ARHGAP29: variants seen among roughly 807,000 people sequenced by gnomAD.
The protein encoded by ARHGAP29 is rho GTPase-activating protein 29.
Under a neutral mutation model 122.6 loss-of-function variants are expected in ARHGAP29, and 43 were observed. That is an observed-to-expected ratio of 0.35 (90% CI 0.27 to 0.45). ARHGAP29 has a LOEUF of 0.45. ARHGAP29 is among the 20% of genes least tolerant of loss of function. ARHGAP29 has a pLI of 1.00. For missense variants in ARHGAP29, 1,303 were observed against 1,477.2 expected (o/e 0.88, Z 1.93); for synonymous variants, 506 against 497.1 (o/e 1.02, Z -0.24).
Position 94,174,137 on chromosome 1 carries a change from A to G in ARHGAP29, c.3518T>C (p.Ile1173Thr). 6.2e-7 allele frequency: 1 copy of G among 1,614,136 alleles called. No homozygotes were observed. Among genetic ancestry groups the G allele is most frequent in the South Asian group, 1.1e-5 (1 of 91,084 alleles). ...WTTFYKPHAP[I>T]ISIRGNEEKP... The stretch of plus-strand genomic sequence containing the variant: ...CTCCTCATTCCCCCTGATACTGATG[A>G]TGGGAGCATGTGGTTTATAAAATGT... Residue 1173 changes from isoleucine (I) to threonine (T), a missense_variant, in exon 23 of 23, where the codon ATC (isoleucine) becomes ACC (threonine). Physicochemically the swap from Ile to Thr is moderately conservative, Grantham distance 89. Coordinates refer to ENST00000260526, the MANE Select transcript of ARHGAP29 (RefSeq NM_004815.4).
rs1648675319 is a variant in ARHGAP29 at position 94,170,644 on chromosome 1, A to T, written c.*3225T>A. 6.6e-6 allele frequency among the ~76,000 whole-genome samples: 1 copy of T among 152,206 alleles called. No individual in the cohort carries two copies. The highest frequency in any genetic ancestry group is 6.5e-5 in the Admixed American group (1 of 15,282). Reference sequence around the variant, plus strand: ...CTTGTCTTAAGGAAACACACAGTAGATAGAGGTAATAATGCAAAAAATATT... The same window carrying T: ...CTTGTCTTAAGGAAACACACAGTAGTTAGAGGTAATAATGCAAAAAATATT... On this transcript the variant is annotated 3_prime_UTR_variant, in exon 23 of 23. Coordinates refer to ENST00000260526, the MANE Select transcript of ARHGAP29 (RefSeq NM_004815.4).
chr1:94,300,381 G>A, the ARHGAP29 span, among the ~76,000 whole-genome samples: 3 of 152,064 alleles, frequency 2.0e-5, no homozygotes, highest in East Asian at 3.9e-4. Flanking sequence ...AAGCCTCTCC[G>A]TCTCACATTC....
chr1:94,232,812 A>C (rs930704275), intron 1 of ARHGAP29, among the ~76,000 whole-genome samples: 5 of 152,218 alleles, frequency 3.3e-5, no homozygotes, highest in African/African-American at 9.6e-5. Context: ...GGAGGAATTA[A>C]ATTAACTCAC....
rs375256632 is a variant in ARHGAP29, at chr1:94,170,507, T to C, written c.*3362A>G. On this transcript the variant is annotated 3_prime_UTR_variant, in exon 23 of 23. Coordinates refer to ENST00000260526, the MANE Select transcript of ARHGAP29 (RefSeq NM_004815.4). ...ATTGGGATGCTGAAACACAGGAACA[T>C]TACTGAGGCAATCAAAATCAGCAGA... Among the ~76,000 whole-genome samples, 2 of 152,136 alleles carry C rather than the reference T, an allele frequency of 1.3e-5. No homozygotes were observed. Among genetic ancestry groups the C allele is most frequent in the African/African-American group, 4.8e-5 (2 of 41,426 alleles).
At chr1:94,284,452 T>A in the ARHGAP29 span, among the ~76,000 whole-genome samples, 3,797 of 152,318 alleles carry the variant, frequency 0.025, 150 homozygotes, top group African/African-American at 0.086. Context: ...CTGTTCACCC[T>A]ATTTGCCCCT....
the ARHGAP29 span, among the ~76,000 whole-genome samples, chr1:94,288,348 G>GT: frequency 6.6e-6 from 1 of 152,016 alleles, no homozygotes; most frequent in South Asian, 2.1e-4. Flanking sequence ...GGGGTTGTTT[G>GT]TTTTTTTCTT....
rs1015645392 is a variant in ARHGAP29 at position 94,271,298 on chromosome 1, A to G, written c.-33+3714T>C. ...AAGAGGATAAGCAAGATGGAACCAA[A>G]GCCATTTTGTAACTAATCTCAGAAG... is the stretch of plus-strand genomic sequence containing the variant. On this transcript the variant is annotated intron_variant and NMD_transcript_variant, in intron 1 of 25. Coordinates refer to the ARHGAP29 transcript ENST00000552844. 2.0e-5 allele frequency among the ~76,000 whole-genome samples: 3 copies of G among 152,238 alleles called. No homozygotes were observed. In the East Asian group the frequency reaches 5.8e-4, roughly 29 times the overall value.
the ARHGAP29 span, chr1:94,302,519 T>C: frequency 3.0e-6 from 1 of 335,482 alleles, no homozygotes; most frequent in South Asian, 2.4e-5. Flanking sequence ...ATAATAACTC[T>C]GGCATCATGA....
chr1:94,178,301 G>T, intron 20 of ARHGAP29, 134 bp from the exon 21 acceptor site: 1 of 774,676 alleles, frequency 1.3e-6, no homozygotes. Context: ...TCTAGGAAAA[G>T]GTTATATTTA....
intron 2 of ARHGAP29, among the ~76,000 whole-genome samples, chr1:94,229,656 T>C (rs1652813441): frequency 6.6e-6 from 1 of 151,744 alleles, no homozygotes; most frequent in Non-Finnish European, 1.5e-5. Flanking sequence ...CTTATGAATT[T>C]TTAAAATTAA....
At chr1:94,297,483 A>G in the ARHGAP29 span, among the ~76,000 whole-genome samples, 14 of 152,334 alleles carry the variant, frequency 9.2e-5, no homozygotes, top group East Asian at 1.9e-4. Context: ...TCTGATTCTC[A>G]TAACTCCTAT....
chr1:94,174,372 T>C lies in ARHGAP29; in HGVS notation c.3283A>G (p.Thr1095Ala), dbSNP rs1031088081. Residue 1095 changes from threonine (T) to alanine (A), a missense_variant, in exon 23 of 23, where the codon ACA becomes GCA. Around this residue, in one of 3 missense-constraint regions of ARHGAP29, gnomAD observed 620 missense variants for 651.2 expected, o/e 0.95. Transcript: ENST00000260526. ...YEQNSLTAKT[T>A]MIMPSALQEK... ...TGGAGTGCACTGGGCATGATCATTG[T>C]AGTCTTGGCAGTTAGGCTGTTTTGT... 1.9e-6 allele frequency: 3 copies of C among 1,614,082 alleles called. No individual in the cohort carries two copies. Among genetic ancestry groups the C allele is most frequent in the East Asian group, 2.2e-5 (1 of 44,892 alleles).
Position 94,189,322 on chromosome 1 carries a change from T to C in ARHGAP29, c.1470A>G (p.Gln490=), listed in dbSNP as rs369014370. 3.7e-6 allele frequency: 6 copies of C among 1,611,334 alleles called. No individual in the cohort carries two copies. The highest frequency in any genetic ancestry group is 5.1e-6 in the Non-Finnish European group (6 of 1,179,032). Residue 490 remains glutamine (Q), a synonymous_variant, in exon 14 of 23, where the codon CAA becomes CAG. Coordinates refer to ENST00000260526, the MANE Select transcript of ARHGAP29 (RefSeq NM_004815.4). ...GNVNKHLNSS[Q]PSGFGPANSL... The stretch of plus-strand genomic sequence containing the variant: ...AGTTGGCAGGTCCAAATCCTGAAGG[T>C]TGGGAACTATTTAAATGTTTATTTA...
chr1:94,179,765 T>G lies in ARHGAP29; in HGVS notation c.2440A>C (p.Asn814His). 6.2e-7 allele frequency: 1 copy of G among 1,613,508 alleles called. No homozygotes were observed. The highest frequency in any genetic ancestry group is 1.3e-5 in the African/African-American group (1 of 75,022). ...KDLLRQLPAS[N>H]FNSLHFLIVH... Reference sequence around the variant, plus strand: ...ATAAGGAAATGAAGACTGTTAAAATTTGATGCTGGCAATTGTCTTAGAAGG... The same window carrying G: ...ATAAGGAAATGAAGACTGTTAAAATGTGATGCTGGCAATTGTCTTAGAAGG... The change falls in exon 20 of 23, where the codon AAT becomes CAT. Residue 814 changes from asparagine (N) to histidine (H), a missense_variant. By Grantham distance (68) the Asn-to-His change is moderately conservative (BLOSUM62 1). Coordinates refer to ENST00000260526, the MANE Select transcript of ARHGAP29 (RefSeq NM_004815.4).
At position 94,188,602 on chromosome 1, in the gene ARHGAP29, T is replaced by C. The variant is rs535396965; in HGVS notation, c.1681+235A>G. On this transcript the variant is annotated intron_variant, in intron 15 of 22. Coordinates refer to ENST00000260526, the MANE Select transcript of ARHGAP29 (RefSeq NM_004815.4). The stretch of plus-strand genomic sequence containing the variant: ...GATAATGGTTTATTCTGGTGGGAGA[T>C]AGGGCAATGTTACCAAGGAGGTGTA... Among the ~76,000 whole-genome samples, 5 of 152,226 alleles carry C rather than the reference T, an allele frequency of 3.3e-5. No individual in the cohort carries two copies. The South Asian group carries it at 6.2e-4, about 19-fold the overall frequency.
In ARHGAP29 at chr1:94,179,852, C is replaced by T. The variant is rs1649342537; in HGVS notation, c.2353G>A (p.Glu785Lys). Reference sequence around the variant, plus strand: ...CACATATTTGGCCATTTTTTGTCTTCAAGACTATTCTTTTTTGTCTCTTGT... The same window carrying T: ...CACATATTTGGCCATTTTTTGTCTTTAAGACTATTCTTTTTTGTCTCTTGT... ...EEQETKKNSL[E>K]DKKWPNMCIE... The change falls in exon 20 of 23, where the codon GAA (glutamate) becomes AAA (lysine). Residue 785 changes from glutamate to lysine, a missense_variant. Glu to Lys is a moderately conservative substitution (Grantham distance 56). This residue lies in a region of ARHGAP29 where 620 missense variants were observed against 651.2 expected (regional missense o/e 0.95). Coordinates refer to ENST00000260526, the MANE Select transcript of ARHGAP29 (RefSeq NM_004815.4). 3 of 1,613,096 alleles carry T rather than the reference C, an allele frequency of 1.9e-6. No individual in the cohort carries two copies. Among genetic ancestry groups the T allele is most frequent in the African/African-American group, 1.3e-5 (1 of 74,882 alleles).
chr1:94,272,024 C>T (rs1006832390), intron 1 of ARHGAP29, among the ~76,000 whole-genome samples: 2 of 152,100 alleles, frequency 1.3e-5, no homozygotes, highest in African/African-American at 4.8e-5. Flanking sequence ...CCAGGTTATC[C>T]ACTTGGGGAC....
At chr1:94,243,952 GAC>G (rs1653698068) in intron 1 of ARHGAP29, among the ~76,000 whole-genome samples, 1 of 151,828 alleles carries the variant, frequency 6.6e-6, no homozygotes, top group Non-Finnish European at 1.5e-5. Flanking sequence ...TTCTTTGAAA[GAC>G]ACAGATTACT....
At chr1:94,233,186 CAA>C (rs1456878903) in intron 1 of ARHGAP29, among the ~76,000 whole-genome samples, 1 of 152,046 alleles carries the variant, frequency 6.6e-6, no homozygotes, top group East Asian at 1.9e-4. Flanking sequence ...CTCCTGGGCT[CAA>C]GTGATCCTCC....
Sources: allele counts gnomAD v4.1 joint callset (sites outside exome capture counted in the v4.1 genomes callset), GRCh38; gene constraint gnomAD v4.1.1; regional missense constraint gnomAD v4.1.1; transcripts MANE v1.5; gene names NCBI Gene and HGNC (gene_info 2026-07-23, HGNC 2026-07-21).